The following TRAF3IP1 variants were observed in gnomAD, a reference collection of about 807,000 sequenced individuals.
TRAF3IP1 encodes intraflagellar transport 54, also known as TRAF3-interacting protein 1.
In TRAF3IP1, 53 loss-of-function variants were observed where a neutral mutation model predicts 89.9. That is an observed-to-expected ratio of 0.59 (90% CI 0.47 to 0.74). The LOEUF is 0.74. Ranked by LOEUF, TRAF3IP1 falls within the 30% of genes least tolerant of loss-of-function variation. The probability of loss-of-function intolerance (pLI) is 0.00; values close to 1 mark genes in which losing one functional copy is unlikely to be tolerated. For missense variants in TRAF3IP1, 806 were observed against 866.1 expected (o/e 0.93, Z 0.87); for synonymous variants, 311 against 322.1 (o/e 0.97, Z 0.37).
At chr2:238,368,975 T>C (rs927410803) in intron 15 of TRAF3IP1, among the ~76,000 whole-genome samples, 1 of 152,106 alleles carries the variant, frequency 6.6e-6, no homozygotes, top group Non-Finnish European at 1.5e-5. Flanking sequence ...GCCTGGCCAT[T>C]GATAAATACT....
At chr2:238,338,568 A>T (rs1698493489) in intron 8 of TRAF3IP1, 111 bp downstream of exon 8, 2 of 610,710 alleles carry the variant, frequency 3.3e-6, no homozygotes, top group East Asian at 6.0e-5. Context: ...TTTAATGTTC[A>T]TGAGACTTTT....
At chr2:238,395,637 A>G (rs981235522) in intron 15 of TRAF3IP1, among the ~76,000 whole-genome samples, 85 of 152,310 alleles carry the variant, frequency 5.6e-4, no homozygotes, top group African/African-American at 1.9e-3. Context: ...TTCTCATCTG[A>G]CAAAGGGCTA....
intron 15 of TRAF3IP1, among the ~76,000 whole-genome samples, chr2:238,368,637 A>G (rs1699982267): frequency 6.6e-6 from 1 of 152,210 alleles, no homozygotes; most frequent in Non-Finnish European, 1.5e-5. Context: ...AAAAATGAAA[A>G]TAAAGTAGAA....
Position 238,400,403 on chromosome 2 carries a change from T to G in TRAF3IP1, c.*1484T>G, listed in dbSNP as rs1286016649. 1 of 152,242 alleles carries G rather than the reference T, an allele frequency of 6.6e-6. No homozygotes were observed. Among genetic ancestry groups the G allele is most frequent in the Non-Finnish European group, 1.5e-5 (1 of 68,072 alleles). 9.4% of individuals were successfully genotyped at this position (152,242 alleles called of 1,614,324 possible). A position where few individuals can be genotyped will look rare whatever the true frequency, so the allele number is the denominator to read the frequency against. ...GCCACTGCACCCGGCCAGGTTTTGT[T>G]TCTTTAAGGATTAGCACAAATGGCA... is the stretch of plus-strand genomic sequence containing the variant. On this transcript the variant is annotated 3_prime_UTR_variant, in exon 17 of 17. Transcript: ENST00000373327.
chr2:238,389,169 T>C (rs892704638), intron 15 of TRAF3IP1, among the ~76,000 whole-genome samples: 1 of 152,170 alleles, frequency 6.6e-6, no homozygotes, highest in Non-Finnish European at 1.5e-5. Flanking sequence ...TCCATTCCCA[T>C]GTGCCCTGGA....
chr2:238,356,021 A>G lies in TRAF3IP1; in HGVS notation c.1630A>G (p.Ile544Val), dbSNP rs770505416. Residue 544 changes from isoleucine (I) to valine (V), a missense_variant, in exon 15 of 17, where the codon ATT becomes GTT. Ile to Val is a conservative substitution (Grantham distance 29). Around this residue, in one of 3 missense-constraint regions of TRAF3IP1, gnomAD observed 732 missense variants for 780.5 expected, o/e 0.94. Transcript: ENST00000373327. Reference protein sequence around the residue: ...EEKHGGLVKKILETKKDYEKL... With the variant: ...EEKHGGLVKKVLETKKDYEKL... ...TTCAACAGGTGGACTTGTGAAAAAA[A>G]TTTTGGAGACGAAGAAAGATTATGA... The G allele has an allele frequency of 1.7e-5, 27 of 1,613,556 alleles. No individual in the cohort carries two copies. Among genetic ancestry groups the G allele is most frequent in the Non-Finnish European group, 1.9e-5 (23 of 1,179,626 alleles).
intron 15 of TRAF3IP1, among the ~76,000 whole-genome samples, chr2:238,359,812 A>C (rs1184981034): frequency 6.6e-6 from 1 of 152,176 alleles, no homozygotes; most frequent in Non-Finnish European, 1.5e-5. Context: ...GATAGTACCA[A>C]ACCCTGTATA....
At chr2:238,378,557 T>C (rs1031169424) in intron 15 of TRAF3IP1, among the ~76,000 whole-genome samples, 1 of 152,232 alleles carries the variant, frequency 6.6e-6, no homozygotes, top group Non-Finnish European at 1.5e-5. Context: ...TTTAATTTGC[T>C]GACATTTAAA....
At chr2:238,386,462 G>A (rs573514579) in intron 15 of TRAF3IP1, among the ~76,000 whole-genome samples, 98 of 152,142 alleles carry the variant, frequency 6.4e-4, no homozygotes, top group African/African-American at 2.2e-3. Flanking sequence ...ACAGGTGTGC[G>A]CCACCATGCC....
intron 15 of TRAF3IP1, among the ~76,000 whole-genome samples, chr2:238,370,519 G>A (rs1700067800): frequency 1.3e-5 from 2 of 152,138 alleles, no homozygotes; most frequent in Admixed American, 1.3e-4. Context: ...CCGTGTGGGT[G>A]CCCTCTCCCT....
At chr2:238,383,846 T>G (rs1700646996) in intron 15 of TRAF3IP1, among the ~76,000 whole-genome samples, 4 of 152,232 alleles carry the variant, frequency 2.6e-5, no homozygotes. Context: ...CCTGTTGTTA[T>G]TCTTTGCATG....
intron 3 of TRAF3IP1, among the ~76,000 whole-genome samples, chr2:238,327,288 G>T (rs1214896399): frequency 6.6e-6 from 1 of 152,190 alleles, no homozygotes; most frequent in African/African-American, 2.4e-5. Context: ...TTGAGCCTGG[G>T]CCTCTCCTCC....
At chr2:238,388,252 A>G (rs1700855022) in intron 15 of TRAF3IP1, among the ~76,000 whole-genome samples, 1 of 151,418 alleles carries the variant, frequency 6.6e-6, no homozygotes, top group Non-Finnish European at 1.5e-5. Context: ...ATGCGTGCCT[A>G]TAATCCCAGC....
intron 3 of TRAF3IP1, among the ~76,000 whole-genome samples, 186 bp downstream of exon 3, chr2:238,326,156 T>G (rs1198914731): frequency 4.6e-5 from 7 of 152,232 alleles, no homozygotes; most frequent in Non-Finnish European, 1.0e-4. Context: ...AATTTAATAC[T>G]GAATGATAAA....
intron 15 of TRAF3IP1, among the ~76,000 whole-genome samples, chr2:238,392,813 T>C: frequency 6.6e-6 from 1 of 152,150 alleles, no homozygotes; most frequent in East Asian, 1.9e-4. Flanking sequence ...TGACCTCAGG[T>C]GATCTGCCTG....
chr2:238,328,124 A>G (rs1357777663), intron 3 of TRAF3IP1, among the ~76,000 whole-genome samples: 1 of 152,222 alleles, frequency 6.6e-6, no homozygotes, highest in Non-Finnish European at 1.5e-5. Flanking sequence ...ATTGGGTCAT[A>G]TGGTAAATCT....
rs1245747116 is a variant in TRAF3IP1 at position 238,379,031 on chromosome 2, T to C, written c.1690-18428T>C. 6.6e-6 allele frequency among the ~76,000 whole-genome samples: 1 copy of C among 152,222 alleles called. No homozygotes were observed. Among genetic ancestry groups the C allele is most frequent in the Admixed American group, 6.5e-5 (1 of 15,284 alleles). ...CGTTCGGTCCCCACCTCAGGCAGCC[T>C]GGCGCTGATGCTGATGCAGCCGCCC... On this transcript the variant is annotated intron_variant, in intron 15 of 16. Coordinates refer to ENST00000373327, the MANE Select transcript of TRAF3IP1 (RefSeq NM_015650.4). This position sits in a 1 kb window ranked among gnomAD's most constrained non-coding sequence, Gnocchi z 4.0.
In TRAF3IP1 at chr2:238,325,965, A is replaced by C. The variant is rs766499493; in HGVS notation, c.349A>C (p.Asn117His). The C allele has an allele frequency of 1.9e-6, 3 of 1,612,590 alleles. No individual in the cohort carries two copies. The highest frequency in any genetic ancestry group is 2.5e-6 in the Non-Finnish European group (3 of 1,179,520). Residue 117 changes from asparagine to histidine, a missense_variant, in exon 3 of 17, where the codon AAC becomes CAC. Asn to His is a moderately conservative substitution (Grantham distance 68). Transcript: ENST00000373327. ...LLQIIGKCCL[N>H]KLSSDDAVRR... ...CCAGATAATTGGAAAATGCTGTCTC[A>C]ACAAGGTACTACTGCTGTCCTGGCA...
At chr2:238,371,852 T>C (rs1487551052) in intron 15 of TRAF3IP1, among the ~76,000 whole-genome samples, 2 of 152,224 alleles carry the variant, frequency 1.3e-5, no homozygotes, top group African/African-American at 2.4e-5. Context: ...ACTTTTAAAG[T>C]GAAACTAGTA....
Sources: gnomAD v4.1 joint callset for allele counts (sites outside exome capture counted in the v4.1 genomes callset) on GRCh38, gnomAD v4.1.1 for gene constraint, gnomAD v4.1.1 regional missense constraint, Gnocchi (gnomAD v3.1) non-coding constraint, MANE v1.5 for transcripts, NCBI Gene and HGNC (gene_info 2026-07-23, HGNC 2026-07-21) for gene names.